The following ITSN2 variants were observed in gnomAD, a reference collection of about 807,000 sequenced individuals.
ITSN2 encodes the protein intersectin 2.
In ITSN2, 156 loss-of-function variants were observed where a neutral mutation model predicts 243.7. That is an observed-to-expected ratio of 0.64 (90% CI 0.56 to 0.73). The LOEUF is 0.73. Among genes scored for constraint, ITSN2 ranks in the 30% least tolerant of loss-of-function variants. ITSN2 has a pLI of 0.00. For missense variants in ITSN2, 1,801 were observed against 1,996.1 expected (o/e 0.90, Z 1.86); for synonymous variants, 703 against 699.9 (o/e 1.00, Z -0.07).
intron 15 of ITSN2, among the ~76,000 whole-genome samples, chr2:24,290,801 A>G (rs1191259476): frequency 6.6e-6 from 1 of 152,128 alleles, no homozygotes; most frequent in African/African-American, 2.4e-5. Context: ...TCTAGACTCT[A>G]TTCAATTCCA....
intron 25 of ITSN2, among the ~76,000 whole-genome samples, chr2:24,251,295 A>G (rs28865702): frequency 0.96 from 55,417 of 57,772 alleles, 26,592 homozygotes; most frequent in East Asian, 0.99. Context: ...GGGCAACAGA[A>G]CTAAACTCCA....
At chr2:24,205,137 A>C in intron 38 of ITSN2, 77 bp downstream of exon 38, 1 of 1,194,980 alleles carries the variant, frequency 8.4e-7, no homozygotes, top group Non-Finnish European at 1.2e-6. Context: ...ATACACTGAG[A>C]CTCTGTCTCA....
intron 1 of ITSN2, among the ~76,000 whole-genome samples, chr2:24,329,735 T>C (rs963208033): frequency 6.6e-5 from 10 of 152,220 alleles, no homozygotes; most frequent in Non-Finnish European, 1.2e-4. Flanking sequence ...TAAATATTAA[T>C]ATTTTTAGAA....
chr2:24,248,901 G>A lies in ITSN2; in HGVS notation c.3121-19C>T, dbSNP rs377612442. On this transcript the variant is annotated intron_variant, in intron 25 of 39. Transcript: ENST00000355123. The stretch of plus-strand genomic sequence containing the variant: ...CAAAACTCTACAAGGAAAAGATACC[G>A]TGTTGTTTTATTATTTCCAACAATC... 1.2e-5 allele frequency: 19 copies of A among 1,610,096 alleles called. No homozygotes were observed. The highest frequency in any genetic ancestry group is 1.4e-5 in the Non-Finnish European group (17 of 1,176,982).
Position 24,286,254 on chromosome 2 carries a change from T to C in ITSN2, c.1821A>G (p.Ala607=), listed in dbSNP as rs1246214827. The part of the protein sequence containing the change: ...EQLDALEKET[A]SKLSEMDSFN... ...AAGAATCCATTTCTGACAGCTTAGA[T>C]GCAGTTTCTTTTTCAAGAGCATCTA... is the stretch of plus-strand genomic sequence containing the variant. The change falls in exon 16 of 40, where the codon GCA becomes GCG. Residue 607 remains alanine, a synonymous_variant. Transcript: ENST00000355123. 3.7e-6 allele frequency: 6 copies of C among 1,603,572 alleles called. No homozygotes were observed. In the African/African-American group the frequency reaches 4.0e-5, roughly 11 times the overall value.
intron 1 of ITSN2, among the ~76,000 whole-genome samples, chr2:24,350,785 T>G (rs925933738): frequency 6.6e-6 from 1 of 152,190 alleles, no homozygotes; most frequent in Non-Finnish European, 1.5e-5. Context: ...ATATGAAATG[T>G]CTAGGATAGG....
chr2:24,248,939 T>C, intron 25 of ITSN2, 57 bp from the exon 26 acceptor site: 1 of 1,508,550 alleles, frequency 6.6e-7, no homozygotes, highest in Non-Finnish European at 9.2e-7. Flanking sequence ...AATGTAAAAG[T>C]ATAAAGGTTA....
chr2:24,235,613 C>T (rs910326608), intron 29 of ITSN2, among the ~76,000 whole-genome samples: 2 of 152,120 alleles, frequency 1.3e-5, no homozygotes, highest in African/African-American at 4.8e-5. Context: ...GTCTTCCTCT[C>T]AATTTTGCTG....
chr2:24,214,667 T>G (rs1669801259), intron 32 of ITSN2, among the ~76,000 whole-genome samples: 1 of 152,182 alleles, frequency 6.6e-6, no homozygotes, highest in African/African-American at 2.4e-5. Context: ...ATTCATCAGT[T>G]ACATTTTATT....
intron 1 of ITSN2, among the ~76,000 whole-genome samples, chr2:24,353,087 A>G (rs1023246466): frequency 1.3e-5 from 2 of 152,236 alleles, no homozygotes; most frequent in African/African-American, 4.8e-5. Flanking sequence ...AGCAGATTCT[A>G]TATCATCTAT....
intron 29 of ITSN2, chr2:24,241,147 T>C (rs1672686093): frequency 6.6e-6 from 1 of 152,176 alleles, no homozygotes; most frequent in Non-Finnish European, 1.5e-5. Context: ...ATTTAAACTC[T>C]TAAAGGATTT....
At chr2:24,304,012 G>A in intron 8 of ITSN2, 150 bp from the exon 9 acceptor site, 3 of 623,994 alleles carry the variant, frequency 4.8e-6, no homozygotes, top group South Asian at 1.9e-5. Context: ...TAGGTGCTAA[G>A]CATTCAGTAG....
In ITSN2 at chr2:24,203,171, G is replaced by T. The variant is rs1385106318; in HGVS notation, c.*455C>A. ...AGACGCTATTTCAGTATCAGGCCGC[G>T]CCAAGTGTCGAGGCTGCAGCCTCTC... is the stretch of plus-strand genomic sequence containing the variant. On this transcript the variant is annotated 3_prime_UTR_variant, in exon 40 of 40. Transcript: ENST00000355123. The T allele has an allele frequency of 1.3e-5, 2 of 155,242 alleles. No homozygotes were observed. The highest frequency in any genetic ancestry group is 4.8e-5 in the African/African-American group (2 of 41,466). The allele number at this position is 155,242 out of a possible 1,614,324, so 9.6% of individuals were successfully genotyped here.
At chr2:24,278,679 C>CCTCAG (rs1389971645) in intron 17 of ITSN2, among the ~76,000 whole-genome samples, 2 of 132,552 alleles carry the variant, frequency 1.5e-5, no homozygotes, top group African/African-American at 5.7e-5. Flanking sequence ...TGAGATGGAG[C>CCTCAG]CTCGCTCTGT....
At chr2:24,261,393 C>A in intron 21 of ITSN2, 143 bp from the exon 22 acceptor site, 1 of 889,326 alleles carries the variant, frequency 1.1e-6, no homozygotes, top group South Asian at 1.8e-5. Context: ...AAACTACTGA[C>A]CCATGTTTTC....
chr2:24,280,737 T>C (rs1678665836), intron 17 of ITSN2, among the ~76,000 whole-genome samples: 1 of 152,180 alleles, frequency 6.6e-6, no homozygotes, highest in Non-Finnish European at 1.5e-5. Context: ...AGCAATACCA[T>C]TCTCTCCTTC....
At chr2:24,267,203 A>G (rs1313431977) in intron 20 of ITSN2, among the ~76,000 whole-genome samples, 1 of 152,028 alleles carries the variant, frequency 6.6e-6, no homozygotes, top group Non-Finnish European at 1.5e-5. Flanking sequence ...ACATGGACAC[A>G]GGGAGGGGAA....
In ITSN2 at chr2:24,206,077, C is replaced by T. The variant is rs528812429; in HGVS notation, c.4679-780G>A. Among the ~76,000 whole-genome samples, 4 of 152,266 alleles carry T rather than the reference C, an allele frequency of 2.6e-5. No individual in the cohort carries two copies. The South Asian group carries it at 8.3e-4, about 32-fold the overall frequency. On this transcript the variant is annotated intron_variant, in intron 37 of 39. Coordinates refer to ENST00000355123, the MANE Select transcript of ITSN2 (RefSeq NM_006277.3). ...CACGGACGATGCACAGCAACATATGCAGATGCTGATGGGAAGCAAAACTCA... is the reference window on the plus strand; with the variant it reads ...CACGGACGATGCACAGCAACATATGTAGATGCTGATGGGAAGCAAAACTCA...
intron 1 of ITSN2, among the ~76,000 whole-genome samples, chr2:24,337,275 A>ATC (rs1192493937): frequency 3.9e-4 from 1 of 2,592 alleles, no homozygotes; most frequent in Non-Finnish European, 1.1e-3. Context: ...GTGTGTCTAT[A>ATC]TGTATGTATG....
Sources: allele counts gnomAD v4.1 joint callset (sites outside exome capture counted in the v4.1 genomes callset), GRCh38; gene constraint gnomAD v4.1.1; transcripts MANE v1.5; gene names NCBI Gene and HGNC (gene_info 2026-07-23, HGNC 2026-07-21).